Variants in ACAD11 observed in about 807,000 individuals in gnomAD.
ACAD11 encodes acyl-Coenzyme A dehydrogenase family, member 11.
Under a neutral mutation model 102.2 loss-of-function variants are expected in ACAD11, and 83 were observed. The observed-to-expected ratio is 0.81, with a 90% CI of 0.68 to 0.97. The LOEUF is 0.97. ACAD11 is among the 50% of genes least tolerant of loss of function. The probability of loss-of-function intolerance (pLI) is 0.00; values close to 1 mark genes in which losing one functional copy is unlikely to be tolerated. For missense variants in ACAD11, 901 were observed against 951.7 expected, an observed-to-expected ratio of 0.95 and a Z score of 0.70; for synonymous variants, 324 against 319.8, an observed-to-expected ratio of 1.01 and a Z score of -0.14.
At chr3:132,637,259 G>T (rs559837902) in intron 5 of ACAD11, among the ~76,000 whole-genome samples, 2 of 152,184 alleles carry the variant, frequency 1.3e-5, no homozygotes, top group South Asian at 4.1e-4. Context: ...CTAAGGTCAG[G>T]ACACTTTATA....
intron 11 of ACAD11, among the ~76,000 whole-genome samples, chr3:132,607,769 G>A (rs1938913320): frequency 6.6e-6 from 1 of 152,022 alleles, no homozygotes; most frequent in African/African-American, 2.4e-5. Context: ...CAGGAAATAA[G>A]GAGAACACCA....
At chr3:132,572,522 T>G (rs1937409718) in intron 17 of ACAD11, among the ~76,000 whole-genome samples, 1 of 152,152 alleles carries the variant, frequency 6.6e-6, no homozygotes, top group Admixed American at 6.5e-5. Flanking sequence ...ATGACACTCT[T>G]CAAAGAACTA....
At chr3:132,603,119 A>T in intron 13 of ACAD11, 110 bp downstream of exon 13, 1 of 996,160 alleles carries the variant, frequency 1.0e-6, no homozygotes, top group Non-Finnish European at 1.5e-6. Context: ...TGCAGAATTT[A>T]AAGAATTATG....
At chr3:132,600,254 A>G (rs1002305250) in intron 13 of ACAD11, 2 of 713,292 alleles carry the variant, frequency 2.8e-6, no homozygotes, top group African/African-American at 3.6e-5. Flanking sequence ...CATTTCAAAG[A>G]GTGCTAGATT....
intron 6 of ACAD11, among the ~76,000 whole-genome samples, chr3:132,631,031 A>T (rs1371370504): frequency 1.3e-5 from 2 of 152,196 alleles, no homozygotes; most frequent in Non-Finnish European, 2.9e-5. Context: ...TGATTGTGGC[A>T]CTGTACTCCA....
intron 13 of ACAD11, among the ~76,000 whole-genome samples, chr3:132,585,438 G>A (rs1440062705): frequency 6.6e-6 from 1 of 152,092 alleles, no homozygotes; most frequent in Non-Finnish European, 1.5e-5. Context: ...GTATGGGCAA[G>A]GACTTCATGT....
intron 13 of ACAD11, among the ~76,000 whole-genome samples, chr3:132,583,509 T>A (rs566714659): frequency 1.3e-5 from 2 of 152,202 alleles, no homozygotes; most frequent in Non-Finnish European, 2.9e-5. Context: ...AGCTCCTGGA[T>A]TCACTGATTT....
At chr3:132,585,952 A>T (rs1351059815) in intron 13 of ACAD11, among the ~76,000 whole-genome samples, 2 of 152,136 alleles carry the variant, frequency 1.3e-5, no homozygotes, top group Non-Finnish European at 2.9e-5. Flanking sequence ...AGGGATCTAG[A>T]ACTAGAAATA....
In ACAD11 at chr3:132,642,687, T is replaced by TTA; in HGVS notation, c.364_365insTA (p.Glu122ValfsTer12). Reference sequence around the variant, plus strand: ...TAAGTGTTAATTTACCTGCACATGTTCCATTACGTAAAATTCTGTTCCAAT... The same window carrying TTA: ...TAAGTGTTAATTTACCTGCACATGTTTACCATTACGTAAAATTCTGTTCCAAT... On this transcript the variant is annotated frameshift_variant, in exon 3 of 20. Coordinates refer to ENST00000264990, the MANE Select transcript of ACAD11 (RefSeq NM_032169.5). LOFTEE classifies it high-confidence loss of function. 6.2e-7 allele frequency: 1 copy of TTA among 1,606,968 alleles called. No homozygotes were observed.
At chr3:132,633,586 C>T (rs1327725635) in intron 5 of ACAD11, among the ~76,000 whole-genome samples, 1 of 152,126 alleles carries the variant, frequency 6.6e-6, no homozygotes, top group Non-Finnish European at 1.5e-5. Context: ...ATGCTGGCCT[C>T]ATAAAATGAG....
chr3:132,622,120 A>G (rs1455407021), intron 9 of ACAD11, among the ~76,000 whole-genome samples: 3 of 152,202 alleles, frequency 2.0e-5, no homozygotes, highest in Non-Finnish European at 4.4e-5. Context: ...TTCTACACTT[A>G]GGCTAGTGGT....
intron 13 of ACAD11, chr3:132,601,313 A>T: frequency 3.1e-6 from 5 of 1,613,786 alleles, no homozygotes; most frequent in Non-Finnish European, 4.2e-6. Context: ...TTATGTTTTT[A>T]TGGGAGCATC....
At chr3:132,597,353 ACTTGAATATTTTTTTAAGCCCAAAGAT>A (rs1212733596) in intron 13 of ACAD11, 2 of 151,610 alleles carry the variant, frequency 1.3e-5, no homozygotes, top group Non-Finnish European at 2.9e-5. Flanking sequence ...TCTTATTCTG[ACTTGAATATTTTTTTAAGCCCAAAGAT>A]CTTGTATATT....
intron 4 of ACAD11, among the ~76,000 whole-genome samples, chr3:132,640,686 T>G (rs973444607): frequency 6.6e-6 from 1 of 152,212 alleles, no homozygotes; most frequent in Non-Finnish European, 1.5e-5. Context: ...ACTTGATTGA[T>G]GCAAGCCTCC....
In ACAD11 at chr3:132,624,872, T is replaced by C. The variant is rs182488342; in HGVS notation, c.1197+1819A>G. Among the ~76,000 whole-genome samples the C allele has an allele frequency of 4.8e-4, 73 of 151,814 alleles. 1 individual carries two copies. Among genetic ancestry groups the C allele is most frequent in the East Asian group, 1.4e-3 (7 of 5,066 alleles). The stretch of plus-strand genomic sequence containing the variant: ...CTAATTTTTGTATTTTTAGTAGAGA[T>C]TGGGTTTATGCCATGTTGCCCAGGC... On this transcript the variant is annotated intron_variant, in intron 9 of 19. Transcript: ENST00000264990.
chr3:132,612,306 T>A (rs867771080), intron 11 of ACAD11, among the ~76,000 whole-genome samples: 3 of 152,080 alleles, frequency 2.0e-5, no homozygotes, highest in African/African-American at 7.2e-5. Flanking sequence ...ATTCAGGACA[T>A]AGGTATGGGC....
intron 11 of ACAD11, among the ~76,000 whole-genome samples, chr3:132,611,729 A>T (rs1471671361): frequency 6.6e-6 from 1 of 152,068 alleles, no homozygotes; most frequent in African/African-American, 2.4e-5. Flanking sequence ...AAAAGAGGAT[A>T]CAAAGAAATG....
chr3:132,568,363 T>C (rs1937271802), intron 17 of ACAD11, among the ~76,000 whole-genome samples: 1 of 152,054 alleles, frequency 6.6e-6, no homozygotes, highest in South Asian at 2.1e-4. Flanking sequence ...TACACACAGA[T>C]GAGATGATGT....
chr3:132,606,573 T>C (rs1010100146), intron 11 of ACAD11, among the ~76,000 whole-genome samples: 2 of 152,038 alleles, frequency 1.3e-5, no homozygotes, highest in African/African-American at 4.8e-5. Flanking sequence ...TCAGACCAGC[T>C]CTCTAGATTC....
Sources: allele counts gnomAD v4.1 joint callset (sites outside exome capture counted in the v4.1 genomes callset), GRCh38; gene constraint gnomAD v4.1.1; transcripts MANE v1.5; gene names NCBI Gene and HGNC (gene_info 2026-07-23, HGNC 2026-07-21).